The following PHACTR1 variants were observed in gnomAD, a reference collection of about 807,000 sequenced individuals.
The protein encoded by PHACTR1 is phosphatase and actin regulator 1.
In PHACTR1, 16 loss-of-function variants were observed where a neutral mutation model predicts 69.2. The observed-to-expected ratio is 0.23, with a 90% CI of 0.16 to 0.35. PHACTR1 has a LOEUF of 0.35. PHACTR1 is among the 10% of genes least tolerant of loss of function. PHACTR1 has a pLI of 1.00. For missense variants in PHACTR1, 510 were observed against 734.7 expected, an observed-to-expected ratio of 0.69 and a Z score of 3.54; for synonymous variants, 312 against 284.5, an observed-to-expected ratio of 1.10 and a Z score of -0.97.
chr6:12,821,700 A>T (rs1166448716), intron 4 of PHACTR1, among the ~76,000 whole-genome samples: 1 of 152,200 alleles, frequency 6.6e-6, no homozygotes, highest in Non-Finnish European at 1.5e-5. Flanking sequence ...AATATATGTT[A>T]TCCGTTGACT....
intron 4 of PHACTR1, among the ~76,000 whole-genome samples, chr6:13,003,960 TATATGTATATATATATATACAC>T (rs938229637): frequency 2.7e-5 from 3 of 109,530 alleles, no homozygotes; most frequent in South Asian, 2.9e-4. Flanking sequence ...CCTATATATA[TATATGTATATATATATATACAC>T]ATATATATAT....
At chr6:12,872,936 T>C (rs980192832) in intron 4 of PHACTR1, among the ~76,000 whole-genome samples, 3 of 152,130 alleles carry the variant, frequency 2.0e-5, no homozygotes, top group Non-Finnish European at 4.4e-5. Flanking sequence ...TTTCTTTCTT[T>C]TCTTTCTTTC....
chr6:12,793,876 G>A (rs1453642805), intron 4 of PHACTR1, among the ~76,000 whole-genome samples: 1 of 152,200 alleles, frequency 6.6e-6, no homozygotes, highest in Non-Finnish European at 1.5e-5. Context: ...AGTAATCTGA[G>A]TGAGAGTATA....
At chr6:13,267,806 C>T (rs1562094518) in intron 10 of PHACTR1, 1 of 136,098 alleles carries the variant, frequency 7.3e-6, no homozygotes, top group Non-Finnish European at 1.5e-5. Flanking sequence ...GCGTCTCAAA[C>T]TCAGAGGCCC....
intron 10 of PHACTR1, among the ~76,000 whole-genome samples, chr6:13,237,788 G>C (rs990362490): frequency 5.9e-5 from 9 of 152,252 alleles, no homozygotes; most frequent in Non-Finnish European, 8.8e-5. Flanking sequence ...CACTAGGCTA[G>C]ATGGTAAAGC....
intron 7 of PHACTR1, among the ~76,000 whole-genome samples, chr6:13,195,202 T>C (rs532947266): frequency 6.6e-6 from 1 of 152,284 alleles, no homozygotes; most frequent in South Asian, 2.1e-4. Context: ...AGATTAGTGA[T>C]GCTAGACTCT....
chr6:13,212,303 C>T (rs186985404), intron 8 of PHACTR1, among the ~76,000 whole-genome samples: 25 of 152,302 alleles, frequency 1.6e-4, no homozygotes, highest in African/African-American at 5.5e-4. Flanking sequence ...ATGCTTCTGT[C>T]GCTGTCCAAC....
chr6:13,199,381 C>G (rs534197988), intron 7 of PHACTR1, among the ~76,000 whole-genome samples: 39 of 64,506 alleles, frequency 6.0e-4, no homozygotes, highest in African/African-American at 2.3e-3. Flanking sequence ...GAGAGTCCAT[C>G]TCAAAAAAAA....
At chr6:12,756,725 T>G (rs1767369252) in intron 4 of PHACTR1, among the ~76,000 whole-genome samples, 1 of 152,232 alleles carries the variant, frequency 6.6e-6, no homozygotes, top group East Asian at 1.9e-4. Context: ...AGATGAGACT[T>G]TAATATACAT....
rs552349162 is a variant in PHACTR1, at chr6:13,258,364, A to G, written c.1392-14496A>G. 6.6e-5 allele frequency among the ~76,000 whole-genome samples: 8 copies of G among 121,432 alleles called. 1 individual carries two copies. In the East Asian group the frequency reaches 1.9e-3, roughly 29 times the overall value. The allele number at this position is 121,432 out of a possible 152,430, so 79.7% of individuals were successfully genotyped here. Reference sequence around the variant, plus strand: ...AGAGAGACACCGTCTTAAAAAAAGAAAAAAAAAAAACAGTGCTTAAGCTCT... The same window carrying G: ...AGAGAGACACCGTCTTAAAAAAAGAGAAAAAAAAAACAGTGCTTAAGCTCT... On this transcript the variant is annotated intron_variant, in intron 10 of 14. Coordinates refer to ENST00000332995, the MANE Select transcript of PHACTR1 (RefSeq NM_030948.6).
chr6:12,985,851 T>C (rs1221042106), intron 4 of PHACTR1, among the ~76,000 whole-genome samples: 4 of 152,030 alleles, frequency 2.6e-5, no homozygotes, highest in Admixed American at 6.6e-5. Context: ...TTTTTTTTTT[T>C]TGAGATGGAG....
intron 5 of PHACTR1, among the ~76,000 whole-genome samples, chr6:13,115,701 T>C (rs1438483480): frequency 6.6e-6 from 1 of 152,150 alleles, no homozygotes; most frequent in Non-Finnish European, 1.5e-5. Flanking sequence ...AGGCTCCACG[T>C]AGGCTGTATA....
At chr6:13,063,478 T>C (rs1421906936) in intron 5 of PHACTR1, among the ~76,000 whole-genome samples, 1 of 151,796 alleles carries the variant, frequency 6.6e-6, no homozygotes, top group Non-Finnish European at 1.5e-5. Context: ...GTCTACAGCT[T>C]AAAAAGAAAT....
intron 4 of PHACTR1, among the ~76,000 whole-genome samples, chr6:12,936,404 G>T (rs1390662325): frequency 6.6e-6 from 1 of 152,162 alleles, no homozygotes; most frequent in African/African-American, 2.4e-5. Flanking sequence ...AATCAAATGA[G>T]ATAATTAAAA....
chr6:13,098,966 T>C (rs754436280), intron 5 of PHACTR1, among the ~76,000 whole-genome samples: 6 of 152,178 alleles, frequency 3.9e-5, no homozygotes, highest in Non-Finnish European at 7.3e-5. Context: ...AACATAGTCA[T>C]ATCATTTCCT....
chr6:13,287,212 T>C lies in PHACTR1; in HGVS notation c.*134T>C, dbSNP rs1272129054. ...GCCTTTTTTTTAAAAAGAAGAAAAA[T>C]CAAGGAAACACAATCAGGATTTTAT... On this transcript the variant is annotated 3_prime_UTR_variant, in exon 15 of 15. Coordinates refer to ENST00000332995, the MANE Select transcript of PHACTR1 (RefSeq NM_030948.6). 1 of 932,944 alleles carries C rather than the reference T, an allele frequency of 1.1e-6. No homozygotes were observed. The highest frequency in any genetic ancestry group is 2.8e-5 in the East Asian group (1 of 35,382). The allele number at this position is 932,944 out of a possible 1,614,324, so 57.8% of individuals were successfully genotyped here. A position where few individuals can be genotyped will look rare whatever the true frequency, so the allele number is the denominator to read the frequency against.
At chr6:12,725,124 C>T (rs1416525853) in intron 3 of PHACTR1, among the ~76,000 whole-genome samples, 2 of 152,138 alleles carry the variant, frequency 1.3e-5, no homozygotes, top group African/African-American at 2.4e-5. Flanking sequence ...TTTGGAAATA[C>T]AGAGGAATTC....
intron 11 of PHACTR1, 115 bp from the exon 12 acceptor site, chr6:13,278,153 C>G: frequency 1.0e-6 from 1 of 982,002 alleles, no homozygotes; most frequent in Non-Finnish European, 1.5e-6. Flanking sequence ...CAGGAGTACT[C>G]TCTTCCCTTT....
chr6:12,967,900 T>C (rs911578246), intron 4 of PHACTR1, among the ~76,000 whole-genome samples: 11 of 152,260 alleles, frequency 7.2e-5, no homozygotes, highest in African/African-American at 2.7e-4. Flanking sequence ...ATGAGCCATT[T>C]GAAAACACTA....
Sources: gnomAD v4.1 joint callset for allele counts (sites outside exome capture counted in the v4.1 genomes callset) on GRCh38, gnomAD v4.1.1 for gene constraint, MANE v1.5 for transcripts, NCBI Gene and HGNC (gene_info 2026-07-23, HGNC 2026-07-21) for gene names.